The following LDB2 variants were observed in gnomAD, a reference collection of about 807,000 sequenced individuals.
LDB2 encodes LIM domain-binding protein 2.
Under a neutral mutation model 44.3 loss-of-function variants are expected in LDB2, and 12 were observed. The ratio of observed to expected loss-of-function variants is 0.27; its 90% confidence interval spans 0.17 to 0.44. The LOEUF (loss-of-function observed/expected upper bound fraction) is 0.44. Among genes scored for constraint, LDB2 ranks in the 20% least tolerant of loss-of-function variants. The pLI is 1.00. For synonymous variants in LDB2, 164 were observed against 174.8 expected, an observed-to-expected ratio of 0.94 and a Z score of 0.49; for missense variants, 344 against 473.5, an observed-to-expected ratio of 0.73 and a Z score of 2.54.
In LDB2 at chr4:16,739,633, TATGTATATATAC is replaced by T. The variant is rs1458211658; in HGVS notation, c.235+19513_235+19524del. Among the ~76,000 whole-genome samples the T allele has an allele frequency of 3.6e-4, 32 of 88,798 alleles. 6 individuals are homozygous for T. The highest frequency in any genetic ancestry group is 1.3e-3 in the African/African-American group (30 of 22,812). 58.3% of individuals were successfully genotyped at this position (88,798 alleles called of 152,430 possible). On this transcript the variant is annotated intron_variant, in intron 2 of 7. Coordinates refer to ENST00000304523, the MANE Select transcript of LDB2 (RefSeq NM_001290.5). ...ATGTATATATACATGTGTGTGTATA[TATGTATATATAC>T]ATATGTGTGTATATATGTATATATA...
At chr4:16,704,603 C>T (rs1239792507) in intron 2 of LDB2, among the ~76,000 whole-genome samples, 2 of 152,190 alleles carry the variant, frequency 1.3e-5, no homozygotes, top group African/African-American at 4.8e-5. Context: ...ATCCTGGCTA[C>T]AGCTCAAAGC....
chr4:16,760,081 C>T (rs1014049548), intron 1 of LDB2, among the ~76,000 whole-genome samples: 5 of 152,162 alleles, frequency 3.3e-5, no homozygotes, highest in African/African-American at 4.8e-5. Flanking sequence ...GTCATATTTA[C>T]AGGAGGAATC....
intron 2 of LDB2, among the ~76,000 whole-genome samples, chr4:16,650,231 A>C (rs1737886425): frequency 6.6e-6 from 1 of 152,188 alleles, no homozygotes; most frequent in Admixed American, 6.5e-5. Flanking sequence ...AATGGAGATA[A>C]TGATAAAACT....
chr4:16,710,066 G>T (rs157617), intron 2 of LDB2, among the ~76,000 whole-genome samples: 76,256 of 151,996 alleles, frequency 0.5, 19,386 homozygotes, highest in East Asian at 0.78. Context: ...GTTTGCCATA[G>T]ATAATGTGTC....
intron 1 of LDB2, among the ~76,000 whole-genome samples, chr4:16,786,903 G>A (rs1249843830): frequency 6.6e-6 from 1 of 152,106 alleles, no homozygotes; most frequent in African/African-American, 2.4e-5. Context: ...CCCTACCACC[G>A]GTGGAGTTAG....
At chr4:16,714,998 T>A (rs1756775602) in intron 2 of LDB2, among the ~76,000 whole-genome samples, 1 of 152,106 alleles carries the variant, frequency 6.6e-6, no homozygotes, top group Non-Finnish European at 1.5e-5. Context: ...GGGTATATCT[T>A]TTTTTGGGGG....
At position 16,818,036 on chromosome 4, in the gene LDB2, G is replaced by C. The variant is rs181828783; in HGVS notation, c.133-58776C>G. ...TTCTCTGCTCCATGTAGCATCATAT[G>C]GGTTTAAACTAGGTGACGCTCAGCC... On this transcript the variant is annotated intron_variant, in intron 1 of 7. Coordinates refer to ENST00000304523, the MANE Select transcript of LDB2 (RefSeq NM_001290.5). Among the ~76,000 whole-genome samples, 989 of 152,268 alleles carry C rather than the reference G, an allele frequency of 6.5e-3. 4 individuals are homozygous for C. Among genetic ancestry groups the C allele is most frequent in the Admixed American group, 0.011 (175 of 15,294 alleles).
chr4:16,727,663 C>T (rs1030207005), intron 2 of LDB2, among the ~76,000 whole-genome samples: 1 of 152,164 alleles, frequency 6.6e-6, no homozygotes, highest in Non-Finnish European at 1.5e-5. Flanking sequence ...TTTGCCTTAT[C>T]AATAGCCAGT....
chr4:16,841,885 T>C (rs1785959102), intron 1 of LDB2, among the ~76,000 whole-genome samples: 1 of 152,140 alleles, frequency 6.6e-6, no homozygotes, highest in South Asian at 2.1e-4. Context: ...TCAAATTAAA[T>C]GTCAAATGCA....
chr4:16,644,489 A>G (rs1736125952), intron 2 of LDB2, among the ~76,000 whole-genome samples: 1 of 147,120 alleles, frequency 6.8e-6, no homozygotes, highest in Admixed American at 6.9e-5. Flanking sequence ...GTGCAGTGGC[A>G]TGATCTTGGC....
rs564880182 is a variant in LDB2, at chr4:16,753,434, A to T, written c.235+5724T>A. On this transcript the variant is annotated intron_variant, in intron 2 of 7. Transcript: ENST00000304523. ...AAGACAAAATTGAAGAACTTAGTCAATACTGCAAAGCTATTGGAGCTTTCA... is the reference window on the plus strand; with the variant it reads ...AAGACAAAATTGAAGAACTTAGTCATTACTGCAAAGCTATTGGAGCTTTCA... Among the ~76,000 whole-genome samples, 10 of 152,358 alleles carry T rather than the reference A, an allele frequency of 6.6e-5. No homozygotes were observed. The East Asian group carries it at 1.9e-3, about 29-fold the overall frequency.
chr4:16,633,711 C>T (rs926022249), intron 2 of LDB2, among the ~76,000 whole-genome samples: 7 of 152,164 alleles, frequency 4.6e-5, no homozygotes, highest in Admixed American at 3.9e-4. Flanking sequence ...AGGTTCAATG[C>T]TATCCCCATC....
At chr4:16,681,296 C>T (rs182103634) in intron 2 of LDB2, among the ~76,000 whole-genome samples, 4 of 152,316 alleles carry the variant, frequency 2.6e-5, no homozygotes, top group East Asian at 1.9e-4. Context: ...CCCTGGCCAA[C>T]AACCAGCAAG....
intron 1 of LDB2, among the ~76,000 whole-genome samples, chr4:16,866,885 T>A (rs1021217989): frequency 3.3e-5 from 5 of 152,178 alleles, no homozygotes; most frequent in Non-Finnish European, 7.3e-5. Flanking sequence ...ACACATAATA[T>A]CCCACACGCT....
In LDB2 at chr4:16,675,728, CAT is replaced by C. The variant is rs1331766459; in HGVS notation, c.236-79855_236-79854del. The stretch of plus-strand genomic sequence containing the variant: ...TAATATATTAATAGCACTCATGTAA[CAT>C]ATGTTTAACATTTTAAAATATTAGC... On this transcript the variant is annotated intron_variant, in intron 2 of 7. Transcript: ENST00000304523. 2.0e-5 allele frequency among the ~76,000 whole-genome samples: 3 copies of C among 152,132 alleles called. No individual in the cohort carries two copies. The East Asian group carries it at 5.8e-4, about 29-fold the overall frequency.
chr4:16,595,840 T>G lies in LDB2; in HGVS notation c.271A>C (p.Thr91Pro). 6.2e-7 allele frequency: 1 copy of G among 1,613,446 alleles called. No homozygotes were observed. Among genetic ancestry groups the G allele is most frequent in the Non-Finnish European group, 8.5e-7 (1 of 1,179,704 alleles). ...TCGGTCACCCCTCCTTCAAACACAGTGCTAAAGTAACGGGGGATGAGGGTC... is the reference window on the plus strand; with the variant it reads ...TCGGTCACCCCTCCTTCAAACACAGGGCTAAAGTAACGGGGGATGAGGGTC... Reference protein sequence around the residue: ...GRTLIPRYFSTVFEGGVTDLY... With the variant: ...GRTLIPRYFSPVFEGGVTDLY... Residue 91 changes from threonine to proline, a missense_variant, in exon 3 of 8, where the codon ACT (threonine) becomes CCT (proline). Physicochemically the swap from Thr to Pro is conservative, Grantham distance 38. Around this residue, in one of 3 missense-constraint regions of LDB2, gnomAD observed 226 missense variants for 270.1 expected, o/e 0.84. Transcript: ENST00000304523.
At chr4:16,797,230 C>T (rs946846580) in intron 1 of LDB2, among the ~76,000 whole-genome samples, 18 of 152,064 alleles carry the variant, frequency 1.2e-4, no homozygotes, top group African/African-American at 3.6e-4. Context: ...ATTTTTGATC[C>T]GCCTTTGGCT....
At chr4:16,885,225 A>G (rs1011260198) in intron 1 of LDB2, among the ~76,000 whole-genome samples, 2 of 151,292 alleles carry the variant, frequency 1.3e-5, no homozygotes, top group African/African-American at 2.4e-5. Context: ...GGTCCCAGCT[A>G]CACAGGAAGC....
chr4:16,653,370 A>G (rs975313162), intron 2 of LDB2, among the ~76,000 whole-genome samples: 10 of 152,252 alleles, frequency 6.6e-5, no homozygotes, highest in Non-Finnish European at 1.3e-4. Flanking sequence ...TATCGAGCTG[A>G]CAATTGGCAT....
Sources: allele counts gnomAD v4.1 joint callset (sites outside exome capture counted in the v4.1 genomes callset), GRCh38; gene constraint gnomAD v4.1.1; regional missense constraint gnomAD v4.1.1; transcripts MANE v1.5; gene names NCBI Gene and HGNC (gene_info 2026-07-23, HGNC 2026-07-21).